Variants in LPP observed in about 807,000 individuals in gnomAD.
LPP encodes the protein lipoma-preferred partner.
In LPP, 38 loss-of-function variants were observed where a neutral mutation model predicts 60.4. The ratio of observed to expected loss-of-function variants is 0.63; its 90% CI spans 0.49 to 0.83. LPP has a LOEUF of 0.83. LPP is among the 40% of genes least tolerant of loss of function. LPP has a pLI of 0.00. For missense variants in LPP, 902 were observed against 783.6 expected (o/e 1.15, Z -1.80); for synonymous variants, 328 against 290.8 (o/e 1.13, Z -1.30).
At chr3:188,264,571 G>T (rs1734790402) in intron 2 of LPP, among the ~76,000 whole-genome samples, 1 of 152,086 alleles carries the variant, frequency 6.6e-6, no homozygotes, top group African/African-American at 2.4e-5. Flanking sequence ...TTAAAATGAG[G>T]TAGGGGAGGG....
intron 4 of LPP, among the ~76,000 whole-genome samples, chr3:188,411,425 G>T (rs1163510949): frequency 5.3e-5 from 8 of 152,070 alleles, no homozygotes; most frequent in Non-Finnish European, 1.5e-5. Context: ...CTACCCAAAG[G>T]AAAAGAAATC....
intron 3 of LPP, among the ~76,000 whole-genome samples, chr3:188,350,263 G>A (rs1765488412): frequency 6.6e-6 from 1 of 152,186 alleles, no homozygotes; most frequent in Non-Finnish European, 1.5e-5. Context: ...TGTGATGTGT[G>A]AGCTCAGTAA....
At chr3:188,470,006 A>G (rs1002027104) in intron 4 of LPP, among the ~76,000 whole-genome samples, 1 of 152,106 alleles carries the variant, frequency 6.6e-6, no homozygotes, top group Non-Finnish European at 1.5e-5. Flanking sequence ...GGTCTACACA[A>G]CCCTGGGTAG....
chr3:188,544,979 T>C (rs1826173910), intron 6 of LPP, among the ~76,000 whole-genome samples: 1 of 45,028 alleles, frequency 2.2e-5, no homozygotes, highest in Admixed American at 2.6e-4. Context: ...TTGGAAACCA[T>C]CATTCTCAGT....
intron 3 of LPP, among the ~76,000 whole-genome samples, chr3:188,345,032 A>T (rs933657596): frequency 6.6e-6 from 1 of 152,216 alleles, no homozygotes; most frequent in Non-Finnish European, 1.5e-5. Context: ...TAATCTAAAC[A>T]AATTATTTCA....
At chr3:188,410,418 C>G (rs1784623410) in intron 4 of LPP, among the ~76,000 whole-genome samples, 1 of 152,094 alleles carries the variant, frequency 6.6e-6, no homozygotes, top group Non-Finnish European at 1.5e-5. Context: ...AGAAAAATAC[C>G]CACATGTTTT....
intron 9 of LPP, among the ~76,000 whole-genome samples, chr3:188,766,135 T>G (rs1488676681): frequency 6.6e-6 from 1 of 151,946 alleles, no homozygotes. Context: ...CCTCCCAAAG[T>G]GCTTGGATTA....
chr3:188,833,247 CCA>C (rs1757545332), intron 9 of LPP, among the ~76,000 whole-genome samples: 1 of 152,172 alleles, frequency 6.6e-6, no homozygotes, highest in African/African-American at 2.4e-5. Context: ...GAGACCAGCC[CCA>C]GTTTGGAATT....
intron 6 of LPP, among the ~76,000 whole-genome samples, chr3:188,598,809 C>T (rs7632562): frequency 1.3e-5 from 2 of 151,924 alleles, no homozygotes; most frequent in South Asian, 4.1e-4. Flanking sequence ...AGTTTGTCCA[C>T]CAAAAGAATC....
chr3:188,677,532 A>C (rs1455278117), intron 7 of LPP, among the ~76,000 whole-genome samples: 1 of 152,160 alleles, frequency 6.6e-6, no homozygotes, highest in Non-Finnish European at 1.5e-5. Context: ...TTGTTGAATC[A>C]AGTTGAATTA....
intron 6 of LPP, among the ~76,000 whole-genome samples, chr3:188,536,200 G>T (rs1386134768): frequency 6.6e-6 from 1 of 151,960 alleles, no homozygotes; most frequent in Non-Finnish European, 1.5e-5. Context: ...GTAGAGACAG[G>T]TTTTCTCCAT....
intron 4 of LPP, among the ~76,000 whole-genome samples, chr3:188,447,767 C>T (rs1195893596): frequency 6.6e-6 from 1 of 151,844 alleles, no homozygotes; most frequent in African/African-American, 2.4e-5. Flanking sequence ...CACAGCAAGA[C>T]TCCATCTTAG....
At chr3:188,247,315 AGTT>A (rs1256574003) in intron 2 of LPP, 5 of 227,072 alleles carry the variant, frequency 2.2e-5, no homozygotes, top group Non-Finnish European at 3.7e-5. Flanking sequence ...GTTATAGACT[AGTT>A]GGTAGGAGAG....
intron 4 of LPP, among the ~76,000 whole-genome samples, chr3:188,446,788 C>T (rs1005451273): frequency 2.6e-5 from 4 of 152,266 alleles, no homozygotes; most frequent in South Asian, 2.1e-4. Flanking sequence ...ATGATTGGAC[C>T]GTGATTGTTT....
intron 6 of LPP, among the ~76,000 whole-genome samples, chr3:188,587,757 G>T (rs966413234): frequency 1.6e-4 from 25 of 152,122 alleles, no homozygotes; most frequent in Admixed American, 3.9e-4. Context: ...ATCTTGTAGG[G>T]TCTACTATTA....
At chr3:188,825,397 T>C (rs1468139485) in intron 9 of LPP, among the ~76,000 whole-genome samples, 2 of 151,170 alleles carry the variant, frequency 1.3e-5, no homozygotes, top group African/African-American at 4.9e-5. Context: ...TCCCAAAGCA[T>C]TGAGCTTAGC....
At chr3:188,800,400 C>T (rs1359424772) in intron 9 of LPP, among the ~76,000 whole-genome samples, 2 of 151,804 alleles carry the variant, frequency 1.3e-5, no homozygotes, top group East Asian at 1.9e-4. Flanking sequence ...TGTCTGCCAC[C>T]ACGCCCGGCT....
At chr3:188,711,560 C>G (rs1711521501) in intron 8 of LPP, 1 of 151,866 alleles carries the variant, frequency 6.6e-6, no homozygotes, top group African/African-American at 2.4e-5. Flanking sequence ...GCATTCTCTT[C>G]TAGGTACACA....
chr3:188,527,784 T>C (rs1373337743), intron 6 of LPP, among the ~76,000 whole-genome samples: 1 of 151,144 alleles, frequency 6.6e-6, no homozygotes, highest in African/African-American at 2.4e-5. Flanking sequence ...GTTTTCACTC[T>C]GTCACCCAGG....
Sources: allele counts gnomAD v4.1 joint callset (sites outside exome capture counted in the v4.1 genomes callset), GRCh38; gene constraint gnomAD v4.1.1; transcripts MANE v1.5; gene names NCBI Gene and HGNC (gene_info 2026-07-23, HGNC 2026-07-21).